The following FTO variants were observed in gnomAD, a reference collection of about 807,000 sequenced individuals.
The protein encoded by FTO is FTO alpha-ketoglutarate dependent dioxygenase.
A neutral mutation model predicts 63.9 loss-of-function variants in FTO; 47 were observed. The observed-to-expected ratio is 0.74, with a 90% CI of 0.58 to 0.94. The LOEUF (loss-of-function observed/expected upper bound fraction) is 0.94. FTO is among the 40% of genes least tolerant of loss of function. The pLI, the probability that FTO is intolerant of heterozygous loss-of-function variation, is 0.00. For missense variants in FTO, 562 were observed against 618.1 expected, an observed-to-expected ratio of 0.91 and a Z score of 0.96; for synonymous variants, 207 against 224.4, an observed-to-expected ratio of 0.92 and a Z score of 0.69.
intron 8 of FTO, among the ~76,000 whole-genome samples, chr16:53,938,632 A>G (rs1280204649): frequency 6.6e-6 from 1 of 152,220 alleles, no homozygotes; most frequent in African/African-American, 2.4e-5. Flanking sequence ...TTCAGGGTTT[A>G]TCTGGGGATG....
chr16:54,085,088 C>T (rs747488139), intron 8 of FTO, among the ~76,000 whole-genome samples: 16 of 152,162 alleles, frequency 1.1e-4, no homozygotes, highest in Non-Finnish European at 2.1e-4. Flanking sequence ...ATATTGTCAA[C>T]GCTATTGATT....
At chr16:53,785,286 G>C (rs9923233) in intron 1 of FTO, among the ~76,000 whole-genome samples, 62,072 of 152,056 alleles carry the variant, frequency 0.41, 13,103 homozygotes, top group African/African-American at 0.48. Context: ...CCCAGTAATT[G>C]GAACAATGCC....
At chr16:53,816,591 T>G (rs1406078603) in intron 2 of FTO, among the ~76,000 whole-genome samples, 2 of 151,860 alleles carry the variant, frequency 1.3e-5, no homozygotes, top group Non-Finnish European at 2.9e-5. Context: ...GCACTGAATG[T>G]TCCCTCAACC....
chr16:53,958,399 C>T (rs2082980998), intron 8 of FTO, among the ~76,000 whole-genome samples: 1 of 152,158 alleles, frequency 6.6e-6, no homozygotes, highest in African/African-American at 2.4e-5. Context: ...AACACTTCGG[C>T]GGGCAGCCTG....
At chr16:53,900,103 C>T (rs1377583702) in intron 7 of FTO, among the ~76,000 whole-genome samples, 2 of 152,170 alleles carry the variant, frequency 1.3e-5, no homozygotes, top group Admixed American at 1.3e-4. Context: ...CCCCATCTCC[C>T]TTTTGTCCTG....
chr16:53,730,501 C>CTT (rs150433779), intron 1 of FTO, among the ~76,000 whole-genome samples: 4 of 146,860 alleles, frequency 2.7e-5, no homozygotes, highest in Non-Finnish European at 3.0e-5. Flanking sequence ...TTTTAGAAGG[C>CTT]TTTTTTTTTT....
At chr16:53,877,060 T>TA (rs371410169) in intron 5 of FTO, among the ~76,000 whole-genome samples, 1 of 152,178 alleles carries the variant, frequency 6.6e-6, no homozygotes, top group African/African-American at 2.4e-5. Flanking sequence ...ATAGCTAGAA[T>TA]AAAAAAGACA....
chr16:54,069,197 G>T (rs528272485), intron 8 of FTO, among the ~76,000 whole-genome samples: 85 of 152,268 alleles, frequency 5.6e-4, no homozygotes, highest in African/African-American at 1.9e-3. Flanking sequence ...AAGCTTCAGG[G>T]ATTCAGGATT....
rs550780042 is a variant in FTO, at chr16:53,719,413, T to G, written c.45+15184T>G. On this transcript the variant is annotated intron_variant, in intron 1 of 8. Transcript: ENST00000471389. ...TGCCTGGCTATTGTCTATTTAGTTT[T>G]CTTCTTGAGTAAATTTTGGTCATTA... is the stretch of plus-strand genomic sequence containing the variant. Among the ~76,000 whole-genome samples, 5 of 152,168 alleles carry G rather than the reference T, an allele frequency of 3.3e-5. No homozygotes were observed. The South Asian group carries it at 1.0e-3, about 32-fold the overall frequency.
intron 8 of FTO, among the ~76,000 whole-genome samples, chr16:54,053,947 C>A (rs2540781): frequency 0.25 from 37,897 of 152,030 alleles, 7,228 homozygotes; most frequent in African/African-American, 0.53. Flanking sequence ...AGCACAAAGC[C>A]ACGTGCTCCT....
At chr16:53,869,358 A>G (rs1417557091) in intron 4 of FTO, among the ~76,000 whole-genome samples, 1 of 152,038 alleles carries the variant, frequency 6.6e-6, no homozygotes, top group Non-Finnish European at 1.5e-5. Flanking sequence ...TTTGAATATA[A>G]TATGCCTAAG....
intron 3 of FTO, among the ~76,000 whole-genome samples, chr16:53,839,798 TA>T (rs1303944155): frequency 0.016 from 1,623 of 104,474 alleles, 35 homozygotes; most frequent in East Asian, 0.13. Flanking sequence ...TTTATTTATT[TA>T]TTTATTTATT....
intron 5 of FTO, among the ~76,000 whole-genome samples, chr16:53,876,226 G>A (rs186519408): frequency 6.6e-6 from 1 of 152,190 alleles, no homozygotes; most frequent in Admixed American, 6.5e-5. Flanking sequence ...CTCTTTTGGT[G>A]ATATTTAATA....
At chr16:53,722,849 G>A (rs1321035083) in intron 1 of FTO, among the ~76,000 whole-genome samples, 1 of 151,534 alleles carries the variant, frequency 6.6e-6, no homozygotes, top group Non-Finnish European at 1.5e-5. Flanking sequence ...AAAATGTTTT[G>A]TGTAAAACCA....
intron 1 of FTO, among the ~76,000 whole-genome samples, chr16:53,741,312 G>A (rs1346538181): frequency 1.4e-4 from 21 of 152,168 alleles, no homozygotes; most frequent in Admixed American, 1.4e-3. Flanking sequence ...TTGCGTGTGT[G>A]TGTTTACATT....
Position 53,738,681 on chromosome 16 carries a change from CA to C in FTO, c.45+34453del, listed in dbSNP as rs1178044419. Among the ~76,000 whole-genome samples the C allele has an allele frequency of 3.3e-5, 5 of 152,082 alleles. No individual in the cohort carries two copies. In the East Asian group the frequency reaches 9.7e-4, roughly 29 times the overall value. ...TTTGAGGAACTGCCAAACTGTTTTC[CA>C]GAGTGACATTCCCACTAGAAATGTA... On this transcript the variant is annotated intron_variant, in intron 1 of 8. Transcript: ENST00000471389.
intron 1 of FTO, among the ~76,000 whole-genome samples, chr16:53,789,666 TTTC>T (rs1478142844): frequency 5.3e-5 from 8 of 151,982 alleles, no homozygotes; most frequent in African/African-American, 9.7e-5. Context: ...AATTTTTTGA[TTTC>T]TTCAAATTGT....
At chr16:53,767,549 T>C (rs1407432476) in intron 1 of FTO, among the ~76,000 whole-genome samples, 1 of 151,934 alleles carries the variant, frequency 6.6e-6, no homozygotes, top group Non-Finnish European at 1.5e-5. Context: ...GACTTTTTTA[T>C]TTTTACTTTT....
chr16:53,943,502 A>G (rs76330623), intron 8 of FTO, among the ~76,000 whole-genome samples: 7,778 of 152,262 alleles, frequency 0.051, 285 homozygotes, highest in African/African-American at 0.1. Flanking sequence ...TCCAACATAC[A>G]TTTATTAAGT....
Sources: allele counts gnomAD v4.1 joint callset (sites outside exome capture counted in the v4.1 genomes callset), GRCh38; gene constraint gnomAD v4.1.1; transcripts MANE v1.5; gene names NCBI Gene and HGNC (gene_info 2026-07-23, HGNC 2026-07-21).